EBI3: variants seen among roughly 807,000 people sequenced by gnomAD.
The protein encoded by EBI3 is Epstein-Barr virus induced 3, also known as interleukin-27 subunit beta.
In EBI3, 19 loss-of-function variants were observed where a neutral mutation model predicts 21.3. That is an observed-to-expected ratio of 0.89 (90% CI 0.62 to 1.31). The LOEUF is 1.31. EBI3 is among the 50% of genes most tolerant of loss of function. EBI3 has a pLI of 0.00. For synonymous variants in EBI3, 154 were observed against 131.2 expected, an observed-to-expected ratio of 1.17 and a Z score of -1.19; for missense variants, 331 against 314.0, an observed-to-expected ratio of 1.05 and a Z score of -0.41.
Position 4,229,558 on chromosome 19 carries a change from C to A in EBI3, c.8C>A (p.Pro3Gln), listed in dbSNP as rs200507472. Residue 3 changes from proline (P) to glutamine (Q), a missense_variant, in exon 1 of 5, where the codon CCG becomes CAG. Physicochemically the swap from Pro to Gln is moderately conservative, Grantham distance 76. Transcript: ENST00000221847. ...GCAGAGCTGGCCGCAGCCATGACCC[C>A]GCAGCTTCTCCTGGCCCTTGTCCTC... The part of the protein sequence containing the change: MT[P>Q]QLLLALVLWA... 6 of 1,611,118 alleles carry A rather than the reference C, an allele frequency of 3.7e-6. No homozygotes were observed. The highest frequency in any genetic ancestry group is 5.1e-6 in the Non-Finnish European group (6 of 1,178,904).
Position 4,231,444 on chromosome 19 carries a change from A to G in EBI3, c.200+121A>G, listed in dbSNP as rs145943999. On this transcript the variant is annotated intron_variant, in intron 2 of 4. Coordinates refer to ENST00000221847, the MANE Select transcript of EBI3 (RefSeq NM_005755.3). ...CCCCGACATCCTGAACCCCAGGCCTATGGAATTCTAGGGCGGCCCCGTCCA... is the reference window on the plus strand; with the variant it reads ...CCCCGACATCCTGAACCCCAGGCCTGTGGAATTCTAGGGCGGCCCCGTCCA... The G allele has an allele frequency of 5.3e-3, 7,153 of 1,349,580 alleles. 70 individuals carry two copies. The highest frequency in any genetic ancestry group is 0.051 in the Middle Eastern group (191 of 3,718). 83.6% of individuals were successfully genotyped at this position (1,349,580 alleles called of 1,614,324 possible).
At position 4,233,130 on chromosome 19, in the gene EBI3, C is replaced by A; in HGVS notation, c.202C>A (p.Leu68Ile). 6.3e-7 allele frequency: 1 copy of A among 1,589,338 alleles called. No homozygotes were observed. The highest frequency in any genetic ancestry group is 8.5e-7 in the Non-Finnish European group (1 of 1,174,478). The change falls in exon 3 of 5, where the codon CTC becomes ATC. Residue 68 changes from leucine to isoleucine, a missense_variant and splice_region_variant. By Grantham distance (5) the Leu-to-Ile change is conservative. Transcript: ENST00000221847. ...CTCAGCGAGCCCCACCCTGTGCAGG[C>A]TCGGCATGGCTGCCCGGGGCCACAG... Reference protein sequence around the residue: ...SPVSFIATYRLGMAARGHSWP... With the variant: ...SPVSFIATYRIGMAARGHSWP...
chr19:4,231,332 G>A lies in EBI3; in HGVS notation c.200+9G>A. The A allele has an allele frequency of 6.3e-7, 1 of 1,598,932 alleles. No homozygotes were observed. Among genetic ancestry groups the A allele is most frequent in the Non-Finnish European group, 8.5e-7 (1 of 1,174,802 alleles). ...TTCATTGCCACGTACAGGTCGGAGA[G>A]CCTGGAAGGGGGCCTCAGGGACACT... On this transcript the variant is annotated intron_variant, in intron 2 of 4. Coordinates refer to ENST00000221847, the MANE Select transcript of EBI3 (RefSeq NM_005755.3).
intron 4 of EBI3, 98 bp from the exon 5 acceptor site, chr19:4,236,838 G>A (rs745720711): frequency 1.5e-4 from 197 of 1,322,304 alleles, no homozygotes; most frequent in Admixed American, 6.7e-4. Flanking sequence ...GAGCCTGCAG[G>A]GGGCAGGGAG....
chr19:4,232,762 AT>A (rs1970798283), intron 2 of EBI3, among the ~76,000 whole-genome samples: 1 of 43,768 alleles, frequency 2.3e-5, no homozygotes, highest in African/African-American at 9.9e-5. Flanking sequence ...TAATGAATGA[AT>A]GAAGGAATGA....
chr19:4,229,926 T>C (rs1180465632), intron 1 of EBI3, among the ~76,000 whole-genome samples: 1 of 152,182 alleles, frequency 6.6e-6, no homozygotes, highest in South Asian at 2.1e-4. Flanking sequence ...GGTTTCTTTT[T>C]GGTTTTGTTT....
chr19:4,232,514 T>G (rs1041680537), intron 2 of EBI3, among the ~76,000 whole-genome samples: 5 of 150,976 alleles, frequency 3.3e-5, no homozygotes, highest in Non-Finnish European at 5.9e-5. Flanking sequence ...GCCCAGAAGT[T>G]CAAGACCAGC....
In EBI3 at chr19:4,234,694, G is replaced by C. The variant is rs759037531; in HGVS notation, c.407G>C (p.Arg136Pro). 2 of 1,614,042 alleles carry C rather than the reference G, an allele frequency of 1.2e-6. No individual in the cohort carries two copies. Among genetic ancestry groups the C allele is most frequent in the East Asian group, 2.2e-5 (1 of 44,888 alleles). The change falls in exon 4 of 5, where the codon CGC (arginine) becomes CCC (proline). Residue 136 changes from arginine (R) to proline (P), a missense_variant. Arg to Pro is a moderately radical substitution (Grantham distance 103). Transcript: ENST00000221847. ...AAGCCCGACCCTCCAGAAGGCGTGC[G>C]CCTAAGCCCCCTCGCTGAGCGCCAG... ...IIKPDPPEGV[R>P]LSPLAERQLQ...
At chr19:4,232,313 G>A (rs114069557) in intron 2 of EBI3, among the ~76,000 whole-genome samples, 7,548 of 151,346 alleles carry the variant, frequency 0.05, 656 homozygotes, top group African/African-American at 0.17. Context: ...TGGGCATGTT[G>A]GTACTTGCCT....
At chr19:4,233,524 C>G (rs891189419) in intron 3 of EBI3, among the ~76,000 whole-genome samples, 1 of 152,156 alleles carries the variant, frequency 6.6e-6, no homozygotes, top group Non-Finnish European at 1.5e-5. Context: ...ACAGTCTGTC[C>G]TTCCCACAGC....
At chr19:4,235,571 C>A (rs2144677951) in intron 4 of EBI3, among the ~76,000 whole-genome samples, 1 of 152,276 alleles carries the variant, frequency 6.6e-6, no homozygotes, top group Middle Eastern at 3.4e-3. Context: ...CCTGCCTGGG[C>A]CTCCCAAAGT....
chr19:4,229,625 G>T lies in EBI3; in HGVS notation c.67+8G>T. On this transcript the variant is annotated splice_region_variant and intron_variant, in intron 1 of 4. Coordinates refer to ENST00000221847, the MANE Select transcript of EBI3 (RefSeq NM_005755.3). ...CCTGCAGTGGAAGGAAAGGTATGTG[G>T]GGCCCCTGGGGGACTGGGGGGCCCA... 6.2e-7 allele frequency: 1 copy of T among 1,601,780 alleles called. No homozygotes were observed. Among genetic ancestry groups the T allele is most frequent in the East Asian group, 2.2e-5 (1 of 44,472 alleles).
At chr19:4,229,773 C>T (rs1218418510) in intron 1 of EBI3, among the ~76,000 whole-genome samples, 156 bp downstream of exon 1, 1 of 152,186 alleles carries the variant, frequency 6.6e-6, no homozygotes, top group East Asian at 1.9e-4. Flanking sequence ...AACTGAGGCA[C>T]AGAGAGGCAG....
Position 4,237,124 on chromosome 19 carries a change from T to C in EBI3, c.*36T>C. On this transcript the variant is annotated 3_prime_UTR_variant, in exon 5 of 5. Coordinates refer to ENST00000221847, the MANE Select transcript of EBI3 (RefSeq NM_005755.3). Reference sequence around the variant, plus strand: ...CCGCTGCCTCCAGACAGCACCTGGGTCCTCGCCACCCTAAGCCCCGGGACA... The same window carrying C: ...CCGCTGCCTCCAGACAGCACCTGGGCCCTCGCCACCCTAAGCCCCGGGACA... The C allele has an allele frequency of 7.0e-7, 1 of 1,438,690 alleles. No homozygotes were observed. Among genetic ancestry groups the C allele is most frequent in the Non-Finnish European group, 9.2e-7 (1 of 1,085,168 alleles). The allele number at this position is 1,438,690 out of a possible 1,614,324, so 89.1% of individuals were successfully genotyped here.
Position 4,237,213 on chromosome 19 carries a change from G to A in EBI3, c.*125G>A. ...GGAGTCCTTGCTTTGCTGCTGCTGA[G>A]CTGCCGGGCAACCTCAGATGACCGA... On this transcript the variant is annotated 3_prime_UTR_variant, in exon 5 of 5. Transcript: ENST00000221847. The A allele has an allele frequency of 8.0e-7, 1 of 1,245,178 alleles. No homozygotes were observed. The highest frequency in any genetic ancestry group is 1.0e-6 in the Non-Finnish European group (1 of 957,124). 77.1% of individuals were successfully genotyped at this position (1,245,178 alleles called of 1,614,324 possible).
At chr19:4,231,345 C>T in intron 2 of EBI3, 22 bp downstream of exon 2, 1 of 1,587,834 alleles carries the variant, frequency 6.3e-7, no homozygotes, top group East Asian at 2.3e-5. Flanking sequence ...TGGAAGGGGG[C>T]CTCAGGGACA....
chr19:4,229,970 G>A (rs1000180347), intron 1 of EBI3, among the ~76,000 whole-genome samples: 1 of 152,092 alleles, frequency 6.6e-6, no homozygotes, highest in African/African-American at 2.4e-5. Context: ...CGCCCAGGCT[G>A]GAGTACAGTG....
chr19:4,233,331 CG>C, intron 3 of EBI3, 24 bp downstream of exon 3: 2 of 493,094 alleles, frequency 4.1e-6, no homozygotes, highest in Non-Finnish European at 3.8e-6. Flanking sequence ...GCAGTGGGGG[CG>C]GGGGCGGGGC....
intron 4 of EBI3, 113 bp downstream of exon 4, chr19:4,234,937 A>G: frequency 6.8e-7 from 1 of 1,462,636 alleles, no homozygotes; most frequent in East Asian, 2.3e-5. Context: ...TTCCGGGTGC[A>G]TTGAATAAGA....
Sources: gnomAD v4.1 joint callset for allele counts (sites outside exome capture counted in the v4.1 genomes callset) on GRCh38, gnomAD v4.1.1 for gene constraint, MANE v1.5 for transcripts, NCBI Gene and HGNC (gene_info 2026-07-23, HGNC 2026-07-21) for gene names.